Variants in CMSS1 observed in about 807,000 individuals in gnomAD.
CMSS1 encodes the protein protein CMSS1.
Under a neutral mutation model 43.5 loss-of-function variants are expected in CMSS1, and 33 were observed. The ratio of observed to expected loss-of-function variants is 0.76; its 90% CI spans 0.57 to 1.01. CMSS1 has a LOEUF of 1.01. Among genes scored for constraint, CMSS1 ranks in the 50% least tolerant of loss-of-function variants. The pLI is 0.00. For synonymous variants in CMSS1, 115 were observed against 117.2 expected, an observed-to-expected ratio of 0.98 and a Z score of 0.12; for missense variants, 313 against 326.4, an observed-to-expected ratio of 0.96 and a Z score of 0.32.
chr3:99,876,215 A>G, intron 1 of CMSS1: 3 of 985,336 alleles, frequency 3.0e-6, no homozygotes, highest in Non-Finnish European at 3.6e-6. Flanking sequence ...GCGTTACGTC[A>G]CTGTTCTGCC....
chr3:100,121,728 T>G (rs2066623562), intron 1 of CMSS1, among the ~76,000 whole-genome samples: 1 of 152,134 alleles, frequency 6.6e-6, no homozygotes, highest in Non-Finnish European at 1.5e-5. Context: ...CCACAATGGT[T>G]GAACTAATTT....
rs556033598 is a variant in CMSS1, at chr3:99,953,619, T to C, written c.64+135576T>C. 2.6e-4 allele frequency among the ~76,000 whole-genome samples: 40 copies of C among 152,334 alleles called. 2 individuals carry two copies. The South Asian group carries it at 8.1e-3, about 31-fold the overall frequency. On this transcript the variant is annotated intron_variant, in intron 1 of 9. Transcript: ENST00000421999. ...CAACCAGTCTTTTCTAAGATGACTT[T>C]GTGAGGGCTGTTCCTATTGTCTTGC...
At chr3:99,958,566 TG>T (rs1322635003) in intron 1 of CMSS1, among the ~76,000 whole-genome samples, 1 of 152,088 alleles carries the variant, frequency 6.6e-6, no homozygotes, top group Non-Finnish European at 1.5e-5. Flanking sequence ...CACGGGGAAA[TG>T]GTCACATGGG....
intron 5 of CMSS1, among the ~76,000 whole-genome samples, chr3:100,166,814 G>T (rs2067070005): frequency 6.6e-6 from 1 of 152,088 alleles, no homozygotes; most frequent in Non-Finnish European, 1.5e-5. Flanking sequence ...TCACAGCTCA[G>T]TGGAGCCTCA....
chr3:99,990,442 C>T (rs1329050643), intron 1 of CMSS1, among the ~76,000 whole-genome samples: 1 of 152,190 alleles, frequency 6.6e-6, no homozygotes, highest in Non-Finnish European at 1.5e-5. Flanking sequence ...ACAAAGTGAA[C>T]ACTAAATGTT....
chr3:100,117,568 C>T (rs1402033964), intron 1 of CMSS1, among the ~76,000 whole-genome samples: 3 of 151,730 alleles, frequency 2.0e-5, no homozygotes, highest in Admixed American at 6.6e-5. Flanking sequence ...CTACTAACCA[C>T]GTATGGTTAT....
chr3:99,961,342 A>G (rs1559704703), intron 1 of CMSS1, among the ~76,000 whole-genome samples: 1 of 152,140 alleles, frequency 6.6e-6, no homozygotes, highest in Non-Finnish European at 1.5e-5. Flanking sequence ...CCAATACTCC[A>G]TGGGGTGGCA....
chr3:100,025,519 A>G (rs1168668669), intron 1 of CMSS1: 9 of 152,182 alleles, frequency 5.9e-5, no homozygotes, highest in Non-Finnish European at 1.0e-4. Context: ...TAGGATGAAT[A>G]CGAAGGAACG....
chr3:99,825,775 C>CTTTTTTTTTT (rs897686337), intron 1 of CMSS1, among the ~76,000 whole-genome samples: 4 of 121,612 alleles, frequency 3.3e-5, no homozygotes, highest in African/African-American at 6.2e-5. Flanking sequence ...TTTTCTTTTT[C>CTTTTTTTTTT]TTTTTTTTTT....
At chr3:99,828,403 A>G (rs1275283722) in intron 1 of CMSS1, among the ~76,000 whole-genome samples, 2 of 82,644 alleles carry the variant, frequency 2.4e-5, no homozygotes, top group African/African-American at 9.8e-5. Flanking sequence ...CACTCTGTAC[A>G]TACGTGTATT....
intron 1 of CMSS1, among the ~76,000 whole-genome samples, chr3:99,890,273 T>C (rs1027364376): frequency 2.6e-5 from 4 of 152,128 alleles, no homozygotes; most frequent in Non-Finnish European, 5.9e-5. Context: ...CTGGCTGTTT[T>C]TATGATCTTC....
chr3:99,845,945 G>T (rs561613579), intron 1 of CMSS1, among the ~76,000 whole-genome samples: 49 of 152,262 alleles, frequency 3.2e-4, no homozygotes, highest in African/African-American at 1.1e-3. Context: ...CCTCTATATA[G>T]TTAAAATCTG....
chr3:99,879,409 AT>A (rs1323800767), intron 1 of CMSS1, among the ~76,000 whole-genome samples: 6 of 152,248 alleles, frequency 3.9e-5, no homozygotes, highest in Non-Finnish European at 8.8e-5. Flanking sequence ...GCTACTGACC[AT>A]AATTACAACA....
intron 1 of CMSS1, among the ~76,000 whole-genome samples, chr3:99,909,862 A>T (rs1054376602): frequency 1.3e-5 from 2 of 152,148 alleles, no homozygotes; most frequent in Non-Finnish European, 2.9e-5. Flanking sequence ...ACAGTCTGCA[A>T]CCCCTTTCCT....
chr3:100,083,525 C>A (rs746655978), intron 1 of CMSS1, among the ~76,000 whole-genome samples: 1 of 152,234 alleles, frequency 6.6e-6, no homozygotes, highest in Non-Finnish European at 1.5e-5. Flanking sequence ...AGACCATAAT[C>A]ATTGTGACAT....
chr3:100,097,541 T>C (rs895729577), intron 1 of CMSS1, among the ~76,000 whole-genome samples: 18 of 152,210 alleles, frequency 1.2e-4, no homozygotes, highest in African/African-American at 4.1e-4. Context: ...TTGATGTCTT[T>C]CATGAGCATT....
rs10935982 is a variant in CMSS1, at chr3:99,840,221, CTTTTTTTTTTT to C, written c.64+22190_64+22200del. 3.0e-3 allele frequency among the ~76,000 whole-genome samples: 303 copies of C among 102,138 alleles called. 8 individuals carry two copies. The Admixed American group carries it at 0.032, about 11-fold the overall frequency. The allele number at this position is 102,138 out of a possible 152,430, so 67.0% of individuals were successfully genotyped here. On this transcript the variant is annotated intron_variant, in intron 1 of 9. Coordinates refer to ENST00000421999, the MANE Select transcript of CMSS1 (RefSeq NM_032359.4). Reference sequence around the variant, plus strand: ...GGTAAAAGAAATTAATTCGTAGAATCTTTTTTTTTTTTTTTTTTTTTTGAGACAGCCTTGCT... The same window carrying C: ...GGTAAAAGAAATTAATTCGTAGAATCTTTTTTTTTTTGAGACAGCCTTGCT...
intron 1 of CMSS1, among the ~76,000 whole-genome samples, chr3:99,967,880 G>C (rs1708699356): frequency 6.6e-6 from 1 of 152,170 alleles, no homozygotes. Context: ...AGTTAACCTG[G>C]TATTAGCAAG....
intron 1 of CMSS1, among the ~76,000 whole-genome samples, chr3:99,900,382 A>C (rs1322992672): frequency 6.6e-6 from 1 of 152,206 alleles, no homozygotes; most frequent in East Asian, 1.9e-4. Flanking sequence ...ATATAAATTA[A>C]TTCATTTAAT....
Sources: allele counts gnomAD v4.1 joint callset (sites outside exome capture counted in the v4.1 genomes callset), GRCh38; gene constraint gnomAD v4.1.1; transcripts MANE v1.5; gene names NCBI Gene and HGNC (gene_info 2026-07-23, HGNC 2026-07-21).